The following ARNT2 variants were observed in gnomAD, a reference collection of about 807,000 sequenced individuals.
ARNT2 encodes the protein aryl hydrocarbon receptor nuclear translocator 2, also known as ARNT protein 2.
In ARNT2, 36 loss-of-function variants were observed where a neutral mutation model predicts 91.7. That is an observed-to-expected ratio of 0.39 (90% CI 0.30 to 0.52). The LOEUF (loss-of-function observed/expected upper bound fraction) is 0.52, where lower values mean the gene tolerates loss of function less well. ARNT2 is among the 20% of genes least tolerant of loss of function. The probability of loss-of-function intolerance (pLI) is 0.72; values close to 1 mark genes in which losing one functional copy is unlikely to be tolerated. For missense variants in ARNT2, 775 were observed against 939.3 expected (o/e 0.83, Z 2.29); for synonymous variants, 365 against 347.1 (o/e 1.05, Z -0.57).
chr15:80,407,398 C>T (rs750942238), intron 1 of ARNT2, among the ~76,000 whole-genome samples: 1 of 152,138 alleles, frequency 6.6e-6, no homozygotes, highest in Non-Finnish European at 1.5e-5. Context: ...TAATACAGGT[C>T]CAAATTTGGA....
At chr15:80,537,762 C>T (rs74027831) in intron 8 of ARNT2, among the ~76,000 whole-genome samples, 1,795 of 152,350 alleles carry the variant, frequency 0.012, 38 homozygotes, top group African/African-American at 0.042. Context: ...ACCCGTGTTA[C>T]CACTGACATC....
rs762465339 is a variant in ARNT2, at chr15:80,555,067, T to A, written c.1092T>A (p.Asp364Glu). 2 of 1,614,018 alleles carry A rather than the reference T, an allele frequency of 1.2e-6. No homozygotes were observed. Among genetic ancestry groups the A allele is most frequent in the South Asian group, 2.2e-5 (2 of 91,074 alleles). The change falls in exon 11 of 19, where the codon GAT (aspartate) becomes GAA (glutamate). Residue 364 changes from aspartate to glutamate, a missense_variant and splice_region_variant. Around this residue, in one of 5 missense-constraint regions of ARNT2, gnomAD observed 285 missense variants for 327.2 expected, o/e 0.87. Transcript: ENST00000303329. Reference sequence around the variant, plus strand: ...TAAAGCTTGTCTCTTTTATTTAGGATCTTCTGGGAAAGGACATTTTGGAAT... The same window carrying A: ...TAAAGCTTGTCTCTTTTATTTAGGAACTTCTGGGAAAGGACATTTTGGAAT... ...CISVIGYQPQ[D>E]LLGKDILEFC...
At chr15:80,590,314 G>C (rs1893253804) in intron 17 of ARNT2, among the ~76,000 whole-genome samples, 1 of 152,194 alleles carries the variant, frequency 6.6e-6, no homozygotes, top group Non-Finnish European at 1.5e-5. Flanking sequence ...TAAGATTTTT[G>C]ATGTTCCTTA....
chr15:80,549,429 C>T (rs918164266), intron 8 of ARNT2, among the ~76,000 whole-genome samples: 1 of 152,044 alleles, frequency 6.6e-6, no homozygotes, highest in Non-Finnish European at 1.5e-5. Flanking sequence ...GACAGGGGAC[C>T]ATCTGGAAGA....
At position 80,552,441 on chromosome 15, in the gene ARNT2, A is replaced by G. The variant is rs527268150; in HGVS notation, c.955-199A>G. On this transcript the variant is annotated intron_variant, in intron 9 of 18. Transcript: ENST00000303329. The stretch of plus-strand genomic sequence containing the variant: ...GGTTGATAAGGCAACTGAAGTTCAG[A>G]AATGTAAAGAAAGTGGCCAACTGTT... Among the ~76,000 whole-genome samples the G allele has an allele frequency of 5.3e-5, 8 of 152,348 alleles. No homozygotes were observed. In the South Asian group the frequency reaches 1.7e-3, roughly 32 times the overall value.
chr15:80,597,872 T>G lies in ARNT2; in HGVS notation c.*4174T>G, dbSNP rs1893402387. On this transcript the variant is annotated 3_prime_UTR_variant, in exon 19 of 19. Transcript: ENST00000303329. ...AGTTATTAAGTCGGTTGTGTATATG[T>G]GTAACTAATGTAACTGCCTTTTAAA... 6.5e-6 allele frequency: 1 copy of G among 152,742 alleles called. No homozygotes were observed. The highest frequency in any genetic ancestry group is 1.5e-5 in the Non-Finnish European group (1 of 68,090). 9.5% of individuals were successfully genotyped at this position (152,742 alleles called of 1,614,324 possible).
chr15:80,411,565 C>G (rs1168107976), intron 1 of ARNT2, among the ~76,000 whole-genome samples: 1 of 152,112 alleles, frequency 6.6e-6, no homozygotes, highest in African/African-American at 2.4e-5. Context: ...CAAGATAATC[C>G]CTATGCAAAC....
intron 1 of ARNT2, among the ~76,000 whole-genome samples, chr15:80,433,118 T>G (rs1896033024): frequency 2.0e-5 from 3 of 152,012 alleles, no homozygotes; most frequent in African/African-American, 4.8e-5. Flanking sequence ...TCATAAAACC[T>G]CTTAAAGGGG....
chr15:80,560,507 T>G (rs1288123477), intron 11 of ARNT2, among the ~76,000 whole-genome samples: 1 of 152,132 alleles, frequency 6.6e-6, no homozygotes, highest in East Asian at 1.9e-4. Flanking sequence ...AAGGCTGAGC[T>G]TCCCTTTCCC....
chr15:80,565,054 C>T (rs1898453234), intron 12 of ARNT2, among the ~76,000 whole-genome samples: 1 of 151,996 alleles, frequency 6.6e-6, no homozygotes, highest in Admixed American at 6.6e-5. Context: ...TCCCGAGTAG[C>T]TGGGACTACA....
At position 80,514,414 on chromosome 15, in the gene ARNT2, A is replaced by G; in HGVS notation, c.877+9A>G. The stretch of plus-strand genomic sequence containing the variant: ...GGCCTGGCCACCAGCAGGTAAGGAG[A>G]CCTGCATGTAAATTCCACGGGAACT... On this transcript the variant is annotated intron_variant, in intron 8 of 18. Transcript: ENST00000303329. The G allele has an allele frequency of 6.2e-7, 1 of 1,613,396 alleles. No individual in the cohort carries two copies. Among genetic ancestry groups the G allele is most frequent in the Non-Finnish European group, 8.5e-7 (1 of 1,179,336 alleles).
At chr15:80,560,368 T>C (rs532565163) in intron 11 of ARNT2, among the ~76,000 whole-genome samples, 6 of 152,196 alleles carry the variant, frequency 3.9e-5, no homozygotes, top group African/African-American at 1.4e-4. Flanking sequence ...AGGCTCAGTT[T>C]CCAGGTTCAC....
Position 80,555,100 on chromosome 15 carries a change from C to T in ARNT2, c.1125C>T (p.His375=), listed in dbSNP as rs1314107054. 19 of 1,614,076 alleles carry T rather than the reference C, an allele frequency of 1.2e-5. No homozygotes were observed. The highest frequency in any genetic ancestry group is 1.6e-4 in the Middle Eastern group (1 of 6,084). The change falls in exon 11 of 19, where the codon CAC becomes CAT. Residue 375 remains histidine, a synonymous_variant. Transcript: ENST00000303329. ...GAAAGGACATTTTGGAATTCTGCCA[C>T]CCTGAGGATCAAAGCCATCTGCGTG... is the stretch of plus-strand genomic sequence containing the variant. ...LLGKDILEFC[H]PEDQSHLRES...
chr15:80,564,538 TA>T (rs1275409423), intron 12 of ARNT2, among the ~76,000 whole-genome samples: 40 of 149,272 alleles, frequency 2.7e-4, no homozygotes, highest in African/African-American at 8.6e-4. Context: ...TTTTTTTTTT[TA>T]ATTTTAGATT....
intron 8 of ARNT2, among the ~76,000 whole-genome samples, chr15:80,515,795 A>G (rs747264631): frequency 7.8e-4 from 118 of 150,402 alleles, no homozygotes; most frequent in Admixed American, 2.5e-3. Context: ...CCCAGAATGT[A>G]GTATATATAT....
chr15:80,530,256 C>T (rs1366140273), intron 8 of ARNT2, among the ~76,000 whole-genome samples: 1 of 152,154 alleles, frequency 6.6e-6, no homozygotes, highest in Non-Finnish European at 1.5e-5. Context: ...GTCAGCTGAC[C>T]AAGGTTCACT....
intron 1 of ARNT2, among the ~76,000 whole-genome samples, chr15:80,419,617 C>T (rs984413482): frequency 6.6e-6 from 1 of 152,126 alleles, no homozygotes; most frequent in Non-Finnish European, 1.5e-5. Context: ...AATCAGTGGC[C>T]CAGTCCTGGC....
chr15:80,569,320 A>G (rs1166027708), intron 12 of ARNT2, among the ~76,000 whole-genome samples: 1 of 152,162 alleles, frequency 6.6e-6, no homozygotes, highest in Non-Finnish European at 1.5e-5. Flanking sequence ...AGCCCAGCTA[A>G]TGGAGGGCAG....
intron 11 of ARNT2, among the ~76,000 whole-genome samples, chr15:80,557,457 G>A (rs982710024): frequency 1.3e-5 from 2 of 152,178 alleles, no homozygotes; most frequent in African/African-American, 4.8e-5. Context: ...CTACTTGAGG[G>A]TGGACAGTGG....
Sources: allele counts gnomAD v4.1 joint callset (sites outside exome capture counted in the v4.1 genomes callset), GRCh38; gene constraint gnomAD v4.1.1; regional missense constraint gnomAD v4.1.1; transcripts MANE v1.5; gene names NCBI Gene and HGNC (gene_info 2026-07-23, HGNC 2026-07-21).